Variants in GRIP1 observed in about 807,000 individuals in gnomAD.
The protein encoded by GRIP1 is glutamate receptor-interacting protein 1.
GRIP1 carries 45 observed loss-of-function variants against 129.9 expected under a neutral mutation model. That is an observed-to-expected ratio of 0.35 (90% CI 0.27 to 0.44). The LOEUF is 0.44. Among genes scored for constraint, GRIP1 ranks in the 20% least tolerant of loss-of-function variants. GRIP1 has a pLI of 1.00. For missense variants in GRIP1, 1,196 were observed against 1,396.8 expected, an observed-to-expected ratio of 0.86 and a Z score of 2.29; for synonymous variants, 530 against 520.8, an observed-to-expected ratio of 1.02 and a Z score of -0.24.
chr12:66,424,192 C>G (rs2057905224), intron 14 of GRIP1, among the ~76,000 whole-genome samples: 1 of 152,130 alleles, frequency 6.6e-6, no homozygotes, highest in Non-Finnish European at 1.5e-5. Flanking sequence ...GAAATTTTAT[C>G]CCGGATCACA....
At chr12:67,008,881 T>C (rs2042665421) in intron 1 of GRIP1, among the ~76,000 whole-genome samples, 1 of 151,324 alleles carries the variant, frequency 6.6e-6, no homozygotes, top group Non-Finnish European at 1.5e-5. Context: ...GTGCATATTA[T>C]AGTCATAAAA....
chr12:66,588,975 A>C (rs2063744574), intron 2 of GRIP1, among the ~76,000 whole-genome samples: 1 of 132,032 alleles, frequency 7.6e-6, no homozygotes, highest in South Asian at 2.4e-4. Flanking sequence ...TCCCCCTCCT[A>C]CAAAAAAAAA....
At chr12:66,467,447 G>A (rs1022987956) in intron 7 of GRIP1, among the ~76,000 whole-genome samples, 6 of 152,208 alleles carry the variant, frequency 3.9e-5, no homozygotes, top group South Asian at 2.1e-4. Context: ...GTCATTGTGC[G>A]TCCTGCCTTA....
chr12:66,709,539 A>G (rs777726751), intron 1 of GRIP1, among the ~76,000 whole-genome samples: 13 of 151,816 alleles, frequency 8.6e-5, no homozygotes, highest in Admixed American at 7.2e-4. Flanking sequence ...CACTGCATTC[A>G]TGTTAACAGT....
intron 1 of GRIP1, among the ~76,000 whole-genome samples, chr12:66,957,592 T>G (rs947048579): frequency 5.9e-5 from 9 of 152,082 alleles, no homozygotes; most frequent in African/African-American, 2.2e-4. Context: ...GGTCAGGCAT[T>G]TTGCAAATGT....
intron 1 of GRIP1, among the ~76,000 whole-genome samples, chr12:66,913,395 C>G (rs965378211): frequency 6.6e-6 from 1 of 152,014 alleles, no homozygotes; most frequent in African/African-American, 2.4e-5. Flanking sequence ...AATATCTTAG[C>G]AACAGGTATC....
chr12:66,364,265 C>CAAAAAA (rs1159887365), intron 23 of GRIP1, among the ~76,000 whole-genome samples: 26 of 16,256 alleles, frequency 1.6e-3, no homozygotes, highest in South Asian at 7.4e-3. Context: ...GACTCCATCT[C>CAAAAAA]AAAAAAAAAA....
intron 1 of GRIP1, among the ~76,000 whole-genome samples, chr12:66,735,825 T>G (rs1378249487): frequency 6.6e-6 from 1 of 152,158 alleles, no homozygotes; most frequent in Non-Finnish European, 1.5e-5. Flanking sequence ...ATCCCAGGTC[T>G]TAATCATTTT....
At chr12:66,849,654 T>C (rs1223659247) in intron 1 of GRIP1, among the ~76,000 whole-genome samples, 1 of 152,082 alleles carries the variant, frequency 6.6e-6, no homozygotes, top group Non-Finnish European at 1.5e-5. Context: ...TTTACCTTCC[T>C]TCCTCACCCC....
intron 23 of GRIP1, among the ~76,000 whole-genome samples, chr12:66,364,814 G>C (rs954690512): frequency 6.6e-6 from 1 of 151,972 alleles, no homozygotes; most frequent in Non-Finnish European, 1.5e-5. Context: ...AACAGCTTCC[G>C]TCTTTTATCC....
chr12:66,845,923 T>C (rs1454937623), intron 1 of GRIP1, among the ~76,000 whole-genome samples: 3 of 152,176 alleles, frequency 2.0e-5, no homozygotes, highest in Admixed American at 2.0e-4. Context: ...TCTAAACCTC[T>C]ACTCCTACTC....
chr12:66,885,191 T>C lies in GRIP1; in HGVS notation c.58+183859A>G, dbSNP rs188542302. On this transcript the variant is annotated intron_variant, in intron 1 of 1. Coordinates refer to the GRIP1 transcript ENST00000643019. ...AGCTGAGGAGACTCATGATCCCTGT[T>C]CAACCGAAACTCTCAGTGGTGCCTC... 9.1e-4 allele frequency among the ~76,000 whole-genome samples: 138 copies of C among 152,168 alleles called. 1 individual carries two copies. The highest frequency in any genetic ancestry group is 3.1e-3 in the African/African-American group (128 of 41,530).
rs185295213 is a variant in GRIP1 at position 67,030,206 on chromosome 12, G to A, written c.58+38844C>T. On this transcript the variant is annotated intron_variant, in intron 1 of 1. Coordinates refer to the GRIP1 transcript ENST00000643019. The stretch of plus-strand genomic sequence containing the variant: ...AGCCTGGGTAACAGAGCGAGACTCT[G>A]TCTCAAATAATAATAATAATAATAA... 2.2e-5 allele frequency among the ~76,000 whole-genome samples: 3 copies of A among 134,438 alleles called. No homozygotes were observed. The East Asian group carries it at 5.9e-4, about 26-fold the overall frequency. 88.2% of individuals were successfully genotyped at this position (134,438 alleles called of 152,430 possible). A position where few individuals can be genotyped will look rare whatever the true frequency, so the allele number is the denominator to read the frequency against.
intron 1 of GRIP1, among the ~76,000 whole-genome samples, chr12:67,054,973 T>C (rs993730965): frequency 3.9e-5 from 6 of 152,182 alleles, no homozygotes; most frequent in African/African-American, 7.2e-5. Context: ...TAATACGTGA[T>C]TGGAAATCGG....
chr12:66,787,689 AC>A (rs1382494948), intron 1 of GRIP1, among the ~76,000 whole-genome samples: 1 of 152,040 alleles, frequency 6.6e-6, no homozygotes, highest in Non-Finnish European at 1.5e-5. Flanking sequence ...ACAGACCCTC[AC>A]CCAACACCGA....
rs1466882219 is a variant in GRIP1, at chr12:66,420,781, T to C, written c.1777A>G (p.Ser593Gly). ...ACGAGGGGGTCTCCTGGTTTTCTACTGGATGGTGCTGTAATAATGGAGATA... is the reference window on the plus strand; with the variant it reads ...ACGAGGGGGTCTCCTGGTTTTCTACCGGATGGTGCTGTAATAATGGAGATA... ...ELGITISSPS[S>G]RKPGDPLVIS... The change falls in exon 15 of 25, where the codon AGT (serine) becomes GGT (glycine). Residue 593 changes from serine to glycine, a missense_variant. This residue lies in a region of GRIP1 where 508 missense variants were observed against 587.0 expected (regional missense o/e 0.87). Coordinates refer to ENST00000359742, the MANE Select transcript of GRIP1 (RefSeq NM_001366722.1). The C allele has an allele frequency of 6.4e-7, 1 of 1,555,914 alleles. No homozygotes were observed. The highest frequency in any genetic ancestry group is 1.7e-5 in the Admixed American group (1 of 59,958).
intron 9 of GRIP1, among the ~76,000 whole-genome samples, chr12:66,462,668 G>A (rs2059166491): frequency 6.6e-6 from 1 of 152,040 alleles, no homozygotes; most frequent in South Asian, 2.1e-4. Flanking sequence ...TGGGCATGGT[G>A]GCGGTCACCT....
intron 2 of GRIP1, among the ~76,000 whole-genome samples, chr12:66,589,564 G>A (rs1041770668): frequency 1.3e-5 from 2 of 152,032 alleles, no homozygotes; most frequent in Non-Finnish European, 2.9e-5. Context: ...GATGATTTAA[G>A]GTGACATAGA....
At chr12:66,494,642 G>A (rs1050990151) in intron 7 of GRIP1, among the ~76,000 whole-genome samples, 1 of 152,168 alleles carries the variant, frequency 6.6e-6, no homozygotes, top group Non-Finnish European at 1.5e-5. Context: ...GGAGGCTGAG[G>A]TGGGAGGGTT....
Sources: allele counts gnomAD v4.1 joint callset (sites outside exome capture counted in the v4.1 genomes callset), GRCh38; gene constraint gnomAD v4.1.1; regional missense constraint gnomAD v4.1.1; transcripts MANE v1.5; gene names NCBI Gene and HGNC (gene_info 2026-07-23, HGNC 2026-07-21).